The following NBAS variants were observed in gnomAD, a reference collection of about 807,000 sequenced individuals.
The protein encoded by NBAS is NAG/BC035112 fusion.
A neutral mutation model predicts 302.5 loss-of-function variants in NBAS; 219 were observed. The ratio of observed to expected loss-of-function variants is 0.72; its 90% CI spans 0.65 to 0.81. NBAS has a LOEUF of 0.81. Among genes scored for constraint, NBAS ranks in the 30% least tolerant of loss-of-function variants. The pLI is 0.00. For missense variants in NBAS, 2,932 were observed against 2,841.6 expected (o/e 1.03, Z -0.72); for synonymous variants, 1,118 against 1,021.6 (o/e 1.09, Z -1.80).
intron 12 of NBAS, among the ~76,000 whole-genome samples, chr2:15,480,377 GAA>G (rs112925094): frequency 7.4e-6 from 1 of 135,296 alleles, no homozygotes; most frequent in African/African-American, 2.7e-5. Flanking sequence ...GAGACAAAAG[GAA>G]AAAAAAAAAA....
downstream of NBAS, among the ~76,000 whole-genome samples, chr2:15,165,900 C>T (rs1456417398): frequency 6.6e-6 from 1 of 152,232 alleles, no homozygotes; most frequent in Non-Finnish European, 1.5e-5. Flanking sequence ...CACAGCCACT[C>T]TCCCTCCAAA....
At chr2:15,132,334 A>G in the NBAS span, among the ~76,000 whole-genome samples, 1 of 152,242 alleles carries the variant, frequency 6.6e-6, no homozygotes, top group African/African-American at 2.4e-5. Flanking sequence ...GAAAAGCTAC[A>G]TATTGTACAA....
At chr2:15,322,792 C>G (rs1014819424) in intron 38 of NBAS, among the ~76,000 whole-genome samples, 1 of 152,010 alleles carries the variant, frequency 6.6e-6, no homozygotes, top group Non-Finnish European at 1.5e-5. Flanking sequence ...GAGTTTCTGA[C>G]AAATGTTTGA....
At chr2:15,524,365 G>A (rs1436290388) in intron 9 of NBAS, among the ~76,000 whole-genome samples, 2 of 152,208 alleles carry the variant, frequency 1.3e-5, no homozygotes, top group Non-Finnish European at 2.9e-5. Flanking sequence ...TGCAAAGGCA[G>A]ATGTTCTTGA....
the NBAS span, among the ~76,000 whole-genome samples, chr2:14,912,774 C>A: frequency 4.5e-4 from 67 of 148,328 alleles, no homozygotes; most frequent in East Asian, 0.013. Context: ...CAGTTTTCAT[C>A]TGTTACAAGG....
At chr2:14,885,901 C>T in the NBAS span, among the ~76,000 whole-genome samples, 1 of 152,118 alleles carries the variant, frequency 6.6e-6, no homozygotes, top group Non-Finnish European at 1.5e-5. Flanking sequence ...AACAGTTTTA[C>T]CGAAGTGGTG....
intron 31 of NBAS, among the ~76,000 whole-genome samples, chr2:15,367,919 T>C (rs1299855759): frequency 6.6e-6 from 1 of 152,220 alleles, no homozygotes; most frequent in Admixed American, 6.5e-5. Flanking sequence ...CATGTCCATG[T>C]GCAATCATGC....
chr2:15,060,762 G>A, the NBAS span, among the ~76,000 whole-genome samples: 1 of 152,090 alleles, frequency 6.6e-6, no homozygotes. Context: ...TGTAAAATTG[G>A]GGTGATTATC....
chr2:15,179,442 G>C (rs1203185956), intron 50 of NBAS: 1 of 308,008 alleles, frequency 3.2e-6, no homozygotes, highest in Non-Finnish European at 6.3e-6. Flanking sequence ...TAAGTAAAAT[G>C]TATGTATTTA....
chr2:15,536,281 A>C (rs1663506636), intron 8 of NBAS, 137 bp downstream of exon 8: 8 of 976,046 alleles, frequency 8.2e-6, no homozygotes, highest in Non-Finnish European at 1.2e-5. Flanking sequence ...TCACCACACC[A>C]CTCTTTCAAA....
At position 15,374,715 on chromosome 2, in the gene NBAS, C is replaced by T; in HGVS notation, c.3596G>A (p.Cys1199Tyr). The T allele has an allele frequency of 6.2e-7, 1 of 1,613,098 alleles. No individual in the cohort carries two copies. Among genetic ancestry groups the T allele is most frequent in the Non-Finnish European group, 8.5e-7 (1 of 1,179,162 alleles). Residue 1199 changes from cysteine to tyrosine, a missense_variant, in exon 31 of 52, where the codon TGC (cysteine) becomes TAC (tyrosine). Coordinates refer to ENST00000281513, the MANE Select transcript of NBAS (RefSeq NM_015909.4). ...GGGTCTGTCTGTTATCAGTTGTAAGCAGCACCTAGAAGAAATTAGATAAAT... is the reference window on the plus strand; with the variant it reads ...GGGTCTGTCTGTTATCAGTTGTAAGTAGCACCTAGAAGAAATTAGATAAAT... ...TDSCMDLARC[C>Y]LQLITDRPPA...
the NBAS span, among the ~76,000 whole-genome samples, chr2:15,124,469 G>A: frequency 0.14 from 20,785 of 152,194 alleles, 2,698 homozygotes; most frequent in African/African-American, 0.33. Context: ...GCTGTAGAGC[G>A]ACCACTTGCT....
At chr2:15,065,293 T>C in the NBAS span, among the ~76,000 whole-genome samples, 1 of 152,074 alleles carries the variant, frequency 6.6e-6, no homozygotes, top group African/African-American at 2.4e-5. Flanking sequence ...GAGTTAACAT[T>C]ATACTCACTG....
chr2:15,031,019 A>T, the NBAS span, among the ~76,000 whole-genome samples: 4 of 152,238 alleles, frequency 2.6e-5, no homozygotes, highest in Admixed American at 6.5e-5. Flanking sequence ...CTAGTTGTGA[A>T]TCACAGATTG....
At chr2:15,490,109 C>T (rs978003923) in intron 11 of NBAS, among the ~76,000 whole-genome samples, 1 of 151,972 alleles carries the variant, frequency 6.6e-6, no homozygotes, top group Non-Finnish European at 1.5e-5. Flanking sequence ...GGGTCAAATA[C>T]TAGCTATAGA....
In NBAS at chr2:15,474,316, A is replaced by C. The variant is rs755024450; in HGVS notation, c.1350T>G (p.Ile450Met). 6.2e-7 allele frequency: 1 copy of C among 1,612,538 alleles called. No homozygotes were observed. Among genetic ancestry groups the C allele is most frequent in the South Asian group, 1.1e-5 (1 of 90,686 alleles). The change falls in exon 15 of 52, where the codon ATT (isoleucine) becomes ATG (methionine). Residue 450 changes from isoleucine to methionine, a missense_variant. Ile to Met is a conservative substitution (Grantham distance 10, BLOSUM62 1). Coordinates refer to ENST00000281513, the MANE Select transcript of NBAS (RefSeq NM_015909.4). Reference sequence around the variant, plus strand: ...AACGAGATCGTTTGGGGGCAAGTTTAATCTCACACTAAATTGAAAAAGGAG... The same window carrying C: ...AACGAGATCGTTTGGGGGCAAGTTTCATCTCACACTAAATTGAAAAAGGAG... ...DGGFLSLECE[I>M]KLAPKRSRLE...
intron 48 of NBAS, among the ~76,000 whole-genome samples, chr2:15,193,719 T>C (rs1380934838): frequency 1.3e-5 from 2 of 152,102 alleles, no homozygotes; most frequent in African/African-American, 2.4e-5. Flanking sequence ...CTTTGATATA[T>C]AACAAGTGCG....
the NBAS span, among the ~76,000 whole-genome samples, chr2:15,011,053 TAA>T: frequency 6.6e-5 from 10 of 152,256 alleles, no homozygotes; most frequent in Admixed American, 4.6e-4. Flanking sequence ...AGAGTATTTT[TAA>T]AAGTCATCCA....
chr2:15,558,701 A>T, intron 1 of NBAS, 67 bp from the exon 2 acceptor site: 3 of 1,181,056 alleles, frequency 2.5e-6, no homozygotes, highest in Non-Finnish European at 3.7e-6. Flanking sequence ...TATTACTTAT[A>T]CAATATGTAA....
Sources: allele counts gnomAD v4.1 joint callset (sites outside exome capture counted in the v4.1 genomes callset), GRCh38; gene constraint gnomAD v4.1.1; transcripts MANE v1.5; gene names NCBI Gene and HGNC (gene_info 2026-07-23, HGNC 2026-07-21).